Variants in ZDHHC11B observed in about 807,000 individuals in gnomAD.
The protein encoded by ZDHHC11B is zDHHC palmitoyltransferase 11B (putative), also known as probable palmitoyltransferase ZDHHC11B.
ZDHHC11B carries 17 observed loss-of-function variants against 42.3 expected under a neutral mutation model. The observed-to-expected ratio is 0.40, with a 90% CI of 0.27 to 0.60. ZDHHC11B has a LOEUF of 0.60. ZDHHC11B is among the 20% of genes least tolerant of loss of function. The pLI is 0.41. For synonymous variants in ZDHHC11B, 123 were observed against 193.5 expected (o/e 0.64, Z 3.02); for missense variants, 262 against 463.2 (o/e 0.57, Z 3.99).
At position 745,331 on chromosome 5, in the gene ZDHHC11B, A is replaced by T. The variant is rs745532329; in HGVS notation, c.785-33T>A. 4.5e-6 allele frequency: 7 copies of T among 1,565,228 alleles called. No individual in the cohort carries two copies. The East Asian group carries it at 1.6e-4, about 37-fold the overall frequency. On this transcript the variant is annotated intron_variant, in intron 8 of 13. Transcript: ENST00000508859. ...GGGAAAAGGAGGAACAGGACAAGTT[A>T]CCAGCCCTGCGGCTTTGCACGGCGC...
At position 733,636 on chromosome 5, in the gene ZDHHC11B, G is replaced by C. The variant is rs879578132; in HGVS notation, c.1023+116C>G. On this transcript the variant is annotated intron_variant, in intron 11 of 13. Transcript: ENST00000508859. ...TCATTCCCATGTGAGCAGCACCCTT[G>C]GACACAGAGTGCTTCTATTCTGAAT... 3.7e-5 allele frequency: 33 copies of C among 895,454 alleles called. 1 individual carries two copies. The highest frequency in any genetic ancestry group is 5.6e-5 in the Non-Finnish European group (32 of 571,590). The allele number at this position is 895,454 out of a possible 1,614,324, so 55.5% of individuals were successfully genotyped here.
chr5:745,332 C>T (rs1330655812), intron 8 of ZDHHC11B, 34 bp from the exon 9 acceptor site: 3 of 1,563,904 alleles, frequency 1.9e-6, no homozygotes, highest in African/African-American at 2.7e-5. Flanking sequence ...GGACAAGTTA[C>T]CAGCCCTGCG....
At chr5:758,638 G>T in intron 4 of ZDHHC11B, among the ~76,000 whole-genome samples, 1 of 151,914 alleles carries the variant, frequency 6.6e-6, no homozygotes, top group East Asian at 1.9e-4. Flanking sequence ...CACCCTGAAG[G>T]CGTCCACCCA....
At position 715,303 on chromosome 5, in the gene ZDHHC11B, C is replaced by T. The variant is rs532352532; in HGVS notation, c.*7+1498G>A. 4.5e-3 allele frequency among the ~76,000 whole-genome samples: 677 copies of T among 150,198 alleles called. 17 individuals are homozygous for T. Among genetic ancestry groups the T allele is most frequent in the African/African-American group, 0.016 (654 of 40,420 alleles). On this transcript the variant is annotated intron_variant, in intron 13 of 13. Coordinates refer to ENST00000508859, the MANE Select transcript of ZDHHC11B (RefSeq NM_001351303.2). ...GCAGATTATTTGCAAGTTGATGCTT[C>T]GGCCAAGCGTCCAGCTCCACTTCTC...
chr5:748,268 C>G, intron 8 of ZDHHC11B, 136 bp downstream of exon 8: 3 of 711,198 alleles, frequency 4.2e-6, no homozygotes, highest in Middle Eastern at 2.3e-4. Context: ...TGAACACATG[C>G]GCACACGGGG....
At chr5:770,663 A>C (rs1172061074) in intron 1 of ZDHHC11B, among the ~76,000 whole-genome samples, 1 of 151,980 alleles carries the variant, frequency 6.6e-6, no homozygotes, top group East Asian at 1.9e-4. Context: ...CTGACCTTAG[A>C]TGGAGCTTTA....
At chr5:764,901 C>T (rs1360081958) in intron 4 of ZDHHC11B, among the ~76,000 whole-genome samples, 1 of 144,744 alleles carries the variant, frequency 6.9e-6, no homozygotes, top group Non-Finnish European at 1.5e-5. Context: ...ATGTCTAGCT[C>T]GAAGTTTGTA....
rs1746107615 is a variant in ZDHHC11B, at chr5:753,744, T to A, written c.503+1254A>T. Among the ~76,000 whole-genome samples the A allele has an allele frequency of 1.1e-4, 17 of 148,378 alleles. No homozygotes were observed. The South Asian group carries it at 3.9e-3, about 34-fold the overall frequency. Reference sequence around the variant, plus strand: ...GCTGTGCGGTCATGCAACCTCTCTGTCCCTGCCGGGCTGCTCAGCCTCTCT... The same window carrying A: ...GCTGTGCGGTCATGCAACCTCTCTGACCCTGCCGGGCTGCTCAGCCTCTCT... On this transcript the variant is annotated intron_variant, in intron 6 of 13. Coordinates refer to ENST00000508859, the MANE Select transcript of ZDHHC11B (RefSeq NM_001351303.2).
intron 9 of ZDHHC11B, among the ~76,000 whole-genome samples, chr5:743,570 C>A (rs1220623500): frequency 2.0e-5 from 3 of 149,274 alleles, no homozygotes; most frequent in African/African-American, 7.4e-5. Context: ...CTTAATAGAG[C>A]GTCTCTGACT....
intron 1 of ZDHHC11B, among the ~76,000 whole-genome samples, chr5:777,582 T>A (rs530586188): frequency 5.9e-5 from 9 of 152,048 alleles, no homozygotes; most frequent in South Asian, 4.2e-4. Context: ...CCGCTTTTAT[T>A]CCGTTATCTG....
chr5:713,341 T>C (rs1741510908), intron 13 of ZDHHC11B, among the ~76,000 whole-genome samples: 1 of 152,050 alleles, frequency 6.6e-6, no homozygotes, highest in Non-Finnish European at 1.5e-5. Flanking sequence ...CAAATCTGCT[T>C]TGTAATTTAA....
At chr5:714,126 A>G (rs1741569819) in intron 13 of ZDHHC11B, among the ~76,000 whole-genome samples, 1 of 133,350 alleles carries the variant, frequency 7.5e-6, no homozygotes, top group Non-Finnish European at 1.6e-5. Flanking sequence ...GCGTGCACAC[A>G]CACACCCTTA....
At chr5:745,050 G>GAC in intron 9 of ZDHHC11B, 133 bp downstream of exon 9, 2 of 954,672 alleles carry the variant, frequency 2.1e-6, no homozygotes, top group Non-Finnish European at 1.6e-6. Flanking sequence ...CTCACACACA[G>GAC]ACACACACAC....
rs555717545 is a variant in ZDHHC11B, at chr5:712,113, C to T, written c.*177G>A. On this transcript the variant is annotated 3_prime_UTR_variant, in exon 14 of 14. Coordinates refer to ENST00000508859, the MANE Select transcript of ZDHHC11B (RefSeq NM_001351303.2). ...GAGATGGATGCTGGGCTCTGAGGGTCCTGGTTCCTTCGAAGGACATCCAGG... is the reference window on the plus strand; with the variant it reads ...GAGATGGATGCTGGGCTCTGAGGGTTCTGGTTCCTTCGAAGGACATCCAGG... 7.0e-5 allele frequency: 8 copies of T among 114,390 alleles called. No homozygotes were observed. The South Asian group carries it at 2.4e-3, about 34-fold the overall frequency. 7.1% of individuals were successfully genotyped at this position (114,390 alleles called of 1,614,324 possible). A position where few individuals can be genotyped will look rare whatever the true frequency, so the allele number is the denominator to read the frequency against.
At chr5:775,524 CCA>C (rs1203359375) in intron 1 of ZDHHC11B, among the ~76,000 whole-genome samples, 2 of 152,044 alleles carry the variant, frequency 1.3e-5, no homozygotes, top group South Asian at 2.1e-4. Flanking sequence ...GGCACGCACG[CCA>C]CACACTCAAC....
chr5:770,974 A>G (rs1176442741), intron 1 of ZDHHC11B, among the ~76,000 whole-genome samples: 21 of 151,894 alleles, frequency 1.4e-4, no homozygotes, highest in Admixed American at 1.4e-3. Context: ...GGGCTTCGGT[A>G]AGACCCAGTC....
intron 8 of ZDHHC11B, among the ~76,000 whole-genome samples, chr5:746,732 C>T (rs1194101324): frequency 6.6e-6 from 1 of 150,502 alleles, no homozygotes; most frequent in Non-Finnish European, 1.5e-5. Context: ...GGTGACCATG[C>T]CTCACCCAAA....
rs1479976773 is a variant in ZDHHC11B, at chr5:745,510, G to A, written c.785-212C>T. ...AGCTAGCTGATGGTCAGCAGGAGGGGTCTGCAGCTGCGACCTGGGGAACGG... is the reference window on the plus strand; with the variant it reads ...AGCTAGCTGATGGTCAGCAGGAGGGATCTGCAGCTGCGACCTGGGGAACGG... On this transcript the variant is annotated intron_variant, in intron 8 of 13. Coordinates refer to ENST00000508859, the MANE Select transcript of ZDHHC11B (RefSeq NM_001351303.2). Among the ~76,000 whole-genome samples the A allele has an allele frequency of 1.3e-5, 2 of 149,960 alleles. 1 individual carries two copies.
chr5:769,611 G>A (rs1257473094), intron 1 of ZDHHC11B, among the ~76,000 whole-genome samples: 2 of 151,814 alleles, frequency 1.3e-5, no homozygotes, highest in Non-Finnish European at 2.9e-5. Flanking sequence ...ACGCGAGCCC[G>A]CGAGTGCGTT....
Sources: allele counts gnomAD v4.1 joint callset (sites outside exome capture counted in the v4.1 genomes callset), GRCh38; gene constraint gnomAD v4.1.1; transcripts MANE v1.5; gene names NCBI Gene and HGNC (gene_info 2026-07-23, HGNC 2026-07-21).